LMBRD2: variants seen among roughly 807,000 people sequenced by gnomAD.
LMBRD2 encodes LMBR1 domain containing 2, also known as G protein-coupled receptor-associated protein LMBRD2.
In LMBRD2, 55 loss-of-function variants were observed where a neutral mutation model predicts 94.4. The ratio of observed to expected loss-of-function variants is 0.58; its 90% CI spans 0.47 to 0.73. The LOEUF (loss-of-function observed/expected upper bound fraction) is 0.73, where lower values mean the gene tolerates loss of function less well. Among genes scored for constraint, LMBRD2 ranks in the 30% least tolerant of loss-of-function variants. The probability of loss-of-function intolerance (pLI) is 0.00; values close to 1 mark genes in which losing one functional copy is unlikely to be tolerated. For synonymous variants in LMBRD2, 246 were observed against 272.4 expected (o/e 0.90, Z 0.95); for missense variants, 640 against 831.9 (o/e 0.77, Z 2.84).
intron 16 of LMBRD2, among the ~76,000 whole-genome samples, chr5:36,106,174 C>T (rs1743462204): frequency 6.6e-6 from 1 of 152,140 alleles, no homozygotes; most frequent in South Asian, 2.1e-4. Context: ...CTGTAAACTT[C>T]TTCCACTCTA....
intron 4 of LMBRD2, among the ~76,000 whole-genome samples, chr5:36,140,274 C>G (rs1291983077): frequency 6.6e-6 from 1 of 152,262 alleles, no homozygotes; most frequent in Non-Finnish European, 1.5e-5. Flanking sequence ...TCTGGCTGTG[C>G]TCAGTGGCTG....
chr5:36,117,944 G>C (rs1054391669), intron 9 of LMBRD2, 28 bp from the exon 10 acceptor site: 18 of 1,513,876 alleles, frequency 1.2e-5, no homozygotes, highest in Non-Finnish European at 1.6e-5. Flanking sequence ...AAAATGATTA[G>C]GAAAACTACA....
In LMBRD2 at chr5:36,111,305, T is replaced by C. The variant is rs140483805; in HGVS notation, c.1641-47A>G. 1.9e-4 allele frequency: 237 copies of C among 1,222,332 alleles called. 1 individual carries two copies. In the African/African-American group the frequency reaches 2.9e-3, roughly 15 times the overall value. 75.7% of individuals were successfully genotyped at this position (1,222,332 alleles called of 1,614,324 possible). Reference sequence around the variant, plus strand: ...AAAAGACAAACATTATTTCACATTGTAAATATTTAGATGAATTGTTCTTTA... The same window carrying C: ...AAAAGACAAACATTATTTCACATTGCAAATATTTAGATGAATTGTTCTTTA... On this transcript the variant is annotated intron_variant, in intron 13 of 17. Coordinates refer to ENST00000296603, the MANE Select transcript of LMBRD2 (RefSeq NM_001007527.2).
intron 4 of LMBRD2, among the ~76,000 whole-genome samples, chr5:36,139,729 C>A (rs1744358590): frequency 6.6e-6 from 1 of 152,176 alleles, no homozygotes; most frequent in Non-Finnish European, 1.5e-5. Context: ...AACCTGCCTG[C>A]AGATAGGAGC....
intron 4 of LMBRD2, among the ~76,000 whole-genome samples, chr5:36,138,604 T>C (rs1188402860): frequency 6.6e-6 from 1 of 152,190 alleles, no homozygotes; most frequent in Non-Finnish European, 1.5e-5. Flanking sequence ...ATTGCTAATG[T>C]TCTATAACAT....
Position 36,102,764 on chromosome 5 carries a change from A to C in LMBRD2, c.*1282T>G, listed in dbSNP as rs1297614494. On this transcript the variant is annotated 3_prime_UTR_variant, in exon 18 of 18. Transcript: ENST00000296603. ...AATTCATCTTCAAACTGGGTGGGAT[A>C]CTTGAGGGTGAAAGTAATCACTAGT... The C allele has an allele frequency of 6.6e-6, 1 of 151,772 alleles. No homozygotes were observed. The highest frequency in any genetic ancestry group is 6.6e-5 in the Admixed American group (1 of 15,198). The allele number at this position is 151,772 out of a possible 1,614,324, so 9.4% of individuals were successfully genotyped here.
chr5:36,142,699 C>G, intron 2 of LMBRD2, 100 bp from the exon 3 acceptor site: 2 of 612,994 alleles, frequency 3.3e-6, no homozygotes, highest in South Asian at 2.0e-5. Flanking sequence ...AACTTACCTT[C>G]TTGGCTATGC....
intron 1 of LMBRD2, 67 bp from the exon 2 acceptor site, chr5:36,143,473 G>A (rs1464318772): frequency 1.6e-6 from 1 of 626,010 alleles, no homozygotes; most frequent in Non-Finnish European, 2.7e-6. Flanking sequence ...AATTTCATCT[G>A]AATATTTATT....
chr5:36,100,834 A>G lies in LMBRD2; in HGVS notation c.*3212T>C, dbSNP rs1400418083. 2 of 152,058 alleles carry G rather than the reference A, an allele frequency of 1.3e-5. No individual in the cohort carries two copies. Among genetic ancestry groups the G allele is most frequent in the Non-Finnish European group, 2.9e-5 (2 of 67,962 alleles). 9.4% of individuals were successfully genotyped at this position (152,058 alleles called of 1,614,324 possible). ...ACCAGCAAGAACATTCCCTAAACCT[A>G]TTAATAAGAATGAGGTTTGTAACTG... is the stretch of plus-strand genomic sequence containing the variant. On this transcript the variant is annotated 3_prime_UTR_variant, in exon 18 of 18. Coordinates refer to ENST00000296603, the MANE Select transcript of LMBRD2 (RefSeq NM_001007527.2).
At chr5:36,121,971 C>T (rs987189779) in intron 9 of LMBRD2, among the ~76,000 whole-genome samples, 7 of 152,076 alleles carry the variant, frequency 4.6e-5, no homozygotes, top group Non-Finnish European at 8.8e-5. Context: ...ATACATTTCT[C>T]AGAGTAATCC....
chr5:36,117,998 T>A, intron 9 of LMBRD2, 82 bp from the exon 10 acceptor site: 1 of 1,051,112 alleles, frequency 9.5e-7, no homozygotes, highest in Non-Finnish European at 1.4e-6. Flanking sequence ...TAGCTCCTAA[T>A]AAGATACTTA....
intron 6 of LMBRD2, among the ~76,000 whole-genome samples, chr5:36,126,949 C>A (rs982205965): frequency 2.0e-5 from 3 of 152,174 alleles, no homozygotes; most frequent in Admixed American, 6.5e-5. Flanking sequence ...TGATATCTGC[C>A]CAGAATGTTA....
At chr5:36,135,050 G>A (rs1427137214) in intron 6 of LMBRD2, among the ~76,000 whole-genome samples, 2 of 152,168 alleles carry the variant, frequency 1.3e-5, no homozygotes, top group East Asian at 3.9e-4. Context: ...TTTATTTACT[G>A]GCTATGGCTG....
Position 36,136,411 on chromosome 5 carries a change from A to C in LMBRD2, c.645T>G (p.Asn215Lys). 2 of 1,613,800 alleles carry C rather than the reference A, an allele frequency of 1.2e-6. No homozygotes were observed. Among genetic ancestry groups the C allele is most frequent in the Non-Finnish European group, 1.7e-6 (2 of 1,179,838 alleles). ...TAAGTAGATAACCCCTTTTTGCTCC[A>C]TTCCAGTATGATCGAGGAATTTCCA... ...GLVEIPRSYW[N>K]GAKRGYLLMK... The change falls in exon 6 of 18, where the codon AAT becomes AAG. Residue 215 changes from asparagine (N) to lysine (K), a missense_variant. By Grantham distance (94) the Asn-to-Lys change is moderately conservative. Around this residue, in one of 2 missense-constraint regions of LMBRD2, gnomAD observed 457 missense variants for 642.8 expected, o/e 0.71. Transcript: ENST00000296603.
chr5:36,101,069 A>C lies in LMBRD2; in HGVS notation c.*2977T>G, dbSNP rs187497223. The C allele has an allele frequency of 2.0e-5, 3 of 152,102 alleles. No individual in the cohort carries two copies. Among genetic ancestry groups the C allele is most frequent in the Admixed American group, 2.0e-4 (3 of 15,260 alleles). 9.4% of individuals were successfully genotyped at this position (152,102 alleles called of 1,614,324 possible). A position where few individuals can be genotyped will look rare whatever the true frequency, so the allele number is the denominator to read the frequency against. The stretch of plus-strand genomic sequence containing the variant: ...AAATTTTCTGATCTATTCTTTATAA[A>C]GGGAAAACCCTTGAATCTTTTGATT... On this transcript the variant is annotated 3_prime_UTR_variant, in exon 18 of 18. Coordinates refer to ENST00000296603, the MANE Select transcript of LMBRD2 (RefSeq NM_001007527.2).
chr5:36,117,637 A>T, intron 10 of LMBRD2, 98 bp downstream of exon 10: 2 of 833,080 alleles, frequency 2.4e-6, no homozygotes, highest in Non-Finnish European at 3.5e-6. Flanking sequence ...AGAAAACCTC[A>T]CTGCTTTCAT....
At chr5:36,108,113 C>A (rs1271109135) in intron 16 of LMBRD2, among the ~76,000 whole-genome samples, 1 of 152,056 alleles carries the variant, frequency 6.6e-6, no homozygotes, top group East Asian at 1.9e-4. Flanking sequence ...AAGAAATATA[C>A]CTTCTTTGTA....
chr5:36,119,436 A>C (rs971367869), intron 9 of LMBRD2, among the ~76,000 whole-genome samples: 1 of 152,120 alleles, frequency 6.6e-6, no homozygotes, highest in Non-Finnish European at 1.5e-5. Flanking sequence ...TAACACTTTG[A>C]TACCCTTCCT....
chr5:36,108,624 A>C lies in LMBRD2; in HGVS notation c.1807T>G (p.Tyr603Asp), dbSNP rs1385554948. ...ENRRREWKER[Y>D]GHNREDSTRN... Reference sequence around the variant, plus strand: ...GTGGAATCTTCTCTATTGTGTCCATAACGTTCTTTCCATTCCTAGAAAAGA... The same window carrying C: ...GTGGAATCTTCTCTATTGTGTCCATCACGTTCTTTCCATTCCTAGAAAAGA... Residue 603 changes from tyrosine (Y) to aspartate (D), a missense_variant, in exon 16 of 18, where the codon TAT becomes GAT. Tyr to Asp is a radical substitution (Grantham distance 160, BLOSUM62 -3). This residue lies in a region of LMBRD2 where 183 missense variants were observed against 189.1 expected (regional missense o/e 0.97). Coordinates refer to ENST00000296603, the MANE Select transcript of LMBRD2 (RefSeq NM_001007527.2). 2 of 1,538,364 alleles carry C rather than the reference A, an allele frequency of 1.3e-6. No individual in the cohort carries two copies. Among genetic ancestry groups the C allele is most frequent in the Non-Finnish European group, 1.8e-6 (2 of 1,130,258 alleles).
Sources: gnomAD v4.1 joint callset for allele counts (sites outside exome capture counted in the v4.1 genomes callset) on GRCh38, gnomAD v4.1.1 for gene constraint, gnomAD v4.1.1 regional missense constraint, MANE v1.5 for transcripts, NCBI Gene and HGNC (gene_info 2026-07-23, HGNC 2026-07-21) for gene names.